Variants in MIDEAS observed in about 807,000 individuals in gnomAD.
MIDEAS encodes the protein mitotic deacetylase associated SANT domain protein.
MIDEAS carries 26 observed loss-of-function variants against 102.7 expected under a neutral mutation model. That is an observed-to-expected ratio of 0.25 (90% CI 0.19 to 0.35). The LOEUF (loss-of-function observed/expected upper bound fraction) is 0.35. MIDEAS is among the 10% of genes least tolerant of loss of function. The pLI, the probability that MIDEAS is intolerant of heterozygous loss-of-function variation, is 1.00. For missense variants in MIDEAS, 1,231 were observed against 1,435.6 expected (o/e 0.86, Z 2.30); for synonymous variants, 585 against 591.0 (o/e 0.99, Z 0.15).
At chr14:73,750,117 T>A (rs1040598298) in intron 1 of MIDEAS, among the ~76,000 whole-genome samples, 7 of 152,054 alleles carry the variant, frequency 4.6e-5, no homozygotes, top group Non-Finnish European at 1.0e-4. Flanking sequence ...AGCTAACGAG[T>A]ACTTCGCTGG....
intron 1 of MIDEAS, among the ~76,000 whole-genome samples, chr14:73,744,362 G>C (rs2053322064): frequency 6.6e-6 from 1 of 152,192 alleles, no homozygotes; most frequent in Non-Finnish European, 1.5e-5. Flanking sequence ...TGAGAAAAAA[G>C]ACTATTGTGA....
At chr14:73,787,772 C>T (rs977813754), upstream of MIDEAS, among the ~76,000 whole-genome samples, 1 of 152,178 alleles carries the variant, frequency 6.6e-6, no homozygotes, top group Non-Finnish European at 1.5e-5. Flanking sequence ...TATAAGTGAG[C>T]AAGACGTTTA....
At chr14:73,728,953 G>C (rs899132913) in intron 4 of MIDEAS, 1 of 152,352 alleles carries the variant, frequency 6.6e-6, no homozygotes, top group African/African-American at 2.4e-5. Flanking sequence ...TGAGGTCACA[G>C]TCAAAGGTTA....
At chr14:73,789,321 C>G (rs2053847672), upstream of MIDEAS, among the ~76,000 whole-genome samples, 1 of 152,178 alleles carries the variant, frequency 6.6e-6, no homozygotes, top group African/African-American at 2.4e-5. Flanking sequence ...ACTGCCACGT[C>G]CTAAGGCAGC....
chr14:73,749,946 C>T (rs2053400798), intron 1 of MIDEAS, among the ~76,000 whole-genome samples: 1 of 152,190 alleles, frequency 6.6e-6, no homozygotes, highest in Non-Finnish European at 1.5e-5. Flanking sequence ...CAAGCTTGAT[C>T]CCGACATCAA....
At chr14:73,719,526 T>C in intron 11 of MIDEAS, 25 bp from the exon 12 acceptor site, 1 of 1,606,636 alleles carries the variant, frequency 6.2e-7, no homozygotes. Flanking sequence ...ACAAGGAGAG[T>C]TGAGTGATCT....
chr14:73,750,481 G>C (rs1337127917), intron 1 of MIDEAS, among the ~76,000 whole-genome samples: 1 of 152,168 alleles, frequency 6.6e-6, no homozygotes, highest in South Asian at 2.1e-4. Flanking sequence ...CTCCAGACTG[G>C]GGGTATCTGT....
rs771554444 is a variant in MIDEAS, at chr14:73,726,723, C to T, written c.2306-16G>A. 3.7e-6 allele frequency: 6 copies of T among 1,613,906 alleles called. No homozygotes were observed. The Admixed American group carries it at 5.0e-5, about 13-fold the overall frequency. Reference sequence around the variant, plus strand: ...AGGTCTTCCACTGGATCCACAGGAGCATGAGGAGGGAGGGGAGGAAACCAC... The same window carrying T: ...AGGTCTTCCACTGGATCCACAGGAGTATGAGGAGGGAGGGGAGGAAACCAC... On this transcript the variant is annotated splice_polypyrimidine_tract_variant and intron_variant, in intron 6 of 12. Coordinates refer to ENST00000423556, the MANE Select transcript of MIDEAS (RefSeq NM_001367710.1).
At chr14:73,740,292 C>T in intron 1 of MIDEAS, 37 bp from the exon 2 acceptor site, 1 of 403,868 alleles carries the variant, frequency 2.5e-6, no homozygotes, top group African/African-American at 2.0e-5. Context: ...TCAGCCACAG[C>T]CTCCCAGGAT....
At chr14:73,755,175 C>T (rs1197735377) in intron 1 of MIDEAS, among the ~76,000 whole-genome samples, 1 of 152,218 alleles carries the variant, frequency 6.6e-6, no homozygotes, top group Non-Finnish European at 1.5e-5. Context: ...TGGCTGGCCA[C>T]AGCACGAGGC....
chr14:73,719,517 C>G lies in MIDEAS; in HGVS notation c.2938-16G>C, dbSNP rs770357819. On this transcript the variant is annotated splice_polypyrimidine_tract_variant and intron_variant, in intron 11 of 12. Coordinates refer to ENST00000423556, the MANE Select transcript of MIDEAS (RefSeq NM_001367710.1). The stretch of plus-strand genomic sequence containing the variant: ...TGTCACTGGCCTGAAGAAAATCAAA[C>G]AAGGAGAGTTGAGTGATCTGAGCAA... 8.7e-6 allele frequency: 14 copies of G among 1,610,836 alleles called. No individual in the cohort carries two copies. Among genetic ancestry groups the G allele is most frequent in the Non-Finnish European group, 1.2e-5 (14 of 1,178,730 alleles).
intron 1 of MIDEAS, among the ~76,000 whole-genome samples, chr14:73,741,757 G>A (rs1219608118): frequency 6.6e-6 from 1 of 152,166 alleles, no homozygotes; most frequent in African/African-American, 2.4e-5. Flanking sequence ...CTTTCACCCA[G>A]CACCCAGAAG....
chr14:73,748,289 T>C (rs1251832673), intron 1 of MIDEAS, among the ~76,000 whole-genome samples: 1 of 152,070 alleles, frequency 6.6e-6, no homozygotes, highest in Non-Finnish European at 1.5e-5. Flanking sequence ...AATATGCAAT[T>C]ATATGGCAGA....
chr14:73,786,720 T>A (rs2140185607), intron 1 of MIDEAS, among the ~76,000 whole-genome samples: 1 of 152,356 alleles, frequency 6.6e-6, no homozygotes, highest in Admixed American at 6.5e-5. Context: ...GAAGAGGTCA[T>A]TTCCCAGGGA....
intron 2 of MIDEAS, among the ~76,000 whole-genome samples, chr14:73,738,075 C>T (rs932016172): frequency 6.6e-6 from 1 of 152,142 alleles, no homozygotes; most frequent in African/African-American, 2.4e-5. Flanking sequence ...TAAGCCACTG[C>T]GCCTAGCCTC....
Position 73,739,648 on chromosome 14 carries a change from A to G in MIDEAS, c.361T>C (p.Trp121Arg), listed in dbSNP as rs1282264869. 6.2e-7 allele frequency: 1 copy of G among 1,613,852 alleles called. No individual in the cohort carries two copies. Among genetic ancestry groups the G allele is most frequent in the East Asian group, 2.2e-5 (1 of 44,864 alleles). Residue 121 changes from tryptophan to arginine, a missense_variant, in exon 2 of 13, where the codon TGG becomes CGG. By Grantham distance (101) the Trp-to-Arg change is moderately radical. This residue lies in a region of MIDEAS where 758 missense variants were observed against 856.0 expected (regional missense o/e 0.89). Transcript: ENST00000423556. Reference protein sequence around the residue: ...GGGGGVSDSSWQQQPGQPPPH... With the variant: ...GGGGGVSDSSRQQQPGQPPPH... ...GGAGGCTGGCCTGGCTGCTGCTGCC[A>G]GCTGCTGTCACTGACACCCCCACCT...
upstream of MIDEAS, among the ~76,000 whole-genome samples, chr14:73,761,690 C>T (rs1049102191): frequency 6.6e-6 from 1 of 152,140 alleles, no homozygotes; most frequent in African/African-American, 2.4e-5. Flanking sequence ...AAAAAAAGCC[C>T]GGGCTCCCCG....
At position 73,725,946 on chromosome 14, in the gene MIDEAS, G is replaced by A. The variant is rs2053054055; in HGVS notation, c.2485+87C>T. ...CCCTCCTCCTCCCGCCCCCACCCAG[G>A]GCTGTGACTCAGCACTGAGCAGGGC... is the stretch of plus-strand genomic sequence containing the variant. On this transcript the variant is annotated intron_variant, in intron 8 of 12. Coordinates refer to ENST00000423556, the MANE Select transcript of MIDEAS (RefSeq NM_001367710.1). The surrounding 1 kb of genome is among the most constrained non-coding windows in gnomAD (Gnocchi z 4.1). 8.5e-7 allele frequency: 1 copy of A among 1,178,566 alleles called. No homozygotes were observed. Among genetic ancestry groups the A allele is most frequent in the Non-Finnish European group, 1.2e-6 (1 of 809,788 alleles). 73.0% of individuals were successfully genotyped at this position (1,178,566 alleles called of 1,614,324 possible). A position where few individuals can be genotyped will look rare whatever the true frequency, so the allele number is the denominator to read the frequency against.
intron 2 of MIDEAS, among the ~76,000 whole-genome samples, chr14:73,737,883 A>T (rs2053223822): frequency 6.7e-6 from 1 of 148,856 alleles, no homozygotes; most frequent in Admixed American, 6.8e-5. Flanking sequence ...CCAGGTTCTA[A>T]TGATTCTCCC....
Sources: gnomAD v4.1 joint callset for allele counts (sites outside exome capture counted in the v4.1 genomes callset) on GRCh38, gnomAD v4.1.1 for gene constraint, gnomAD v4.1.1 regional missense constraint, Gnocchi (gnomAD v3.1) non-coding constraint, MANE v1.5 for transcripts, NCBI Gene and HGNC (gene_info 2026-07-23, HGNC 2026-07-21) for gene names.